CAMK1D: variants seen among roughly 807,000 people sequenced by gnomAD.
CAMK1D encodes the protein calcium/calmodulin dependent protein kinase ID.
A neutral mutation model predicts 47.7 loss-of-function variants in CAMK1D; 9 were observed. That is an observed-to-expected ratio of 0.19 (90% CI 0.11 to 0.33). CAMK1D has a LOEUF of 0.33. Ranked by LOEUF, CAMK1D falls within the 10% of genes least tolerant of loss-of-function variation. The probability of loss-of-function intolerance (pLI) is 1.00; values close to 1 mark genes in which losing one functional copy is unlikely to be tolerated. For synonymous variants in CAMK1D, 184 were observed against 184.9 expected (o/e 0.99, Z 0.04); for missense variants, 291 against 488.7 (o/e 0.60, Z 3.81).
chr10:12,593,975 G>A (rs547405378), intron 2 of CAMK1D, among the ~76,000 whole-genome samples: 1 of 152,278 alleles, frequency 6.6e-6, no homozygotes, highest in Admixed American at 6.5e-5. Flanking sequence ...TCAGGAGTTC[G>A]AGACCAGCCT....
At position 12,792,946 on chromosome 10, in the gene CAMK1D, T is replaced by C. The variant is rs148174732; in HGVS notation, c.641+1713T>C. 3.0e-3 allele frequency among the ~76,000 whole-genome samples: 427 copies of C among 140,774 alleles called. 3 individuals carry two copies. The South Asian group carries it at 0.036, about 12-fold the overall frequency. The allele number at this position is 140,774 out of a possible 152,430, so 92.4% of individuals were successfully genotyped here. A position where few individuals can be genotyped will look rare whatever the true frequency, so the allele number is the denominator to read the frequency against. Reference sequence around the variant, plus strand: ...TCATGGATCCTATCCCCTAATAAAATCACATGTGTGCGCGCACACACACAC... The same window carrying C: ...TCATGGATCCTATCCCCTAATAAAACCACATGTGTGCGCGCACACACACAC... On this transcript the variant is annotated intron_variant, in intron 6 of 10. Transcript: ENST00000619168.
At chr10:12,423,682 A>C (rs957472838) in intron 1 of CAMK1D, among the ~76,000 whole-genome samples, 1 of 152,202 alleles carries the variant, frequency 6.6e-6, no homozygotes, top group Non-Finnish European at 1.5e-5. Context: ...CCTTTTCCCA[A>C]TCAGATTCAA....
intron 1 of CAMK1D, among the ~76,000 whole-genome samples, chr10:12,548,107 A>G (rs1219827057): frequency 2.0e-5 from 3 of 152,082 alleles, no homozygotes; most frequent in African/African-American, 7.2e-5. Flanking sequence ...ACCGAGTTCT[A>G]TTTTCTGTCC....
At chr10:12,570,165 A>G (rs11257895) in intron 2 of CAMK1D, among the ~76,000 whole-genome samples, 1 of 151,700 alleles carries the variant, frequency 6.6e-6, no homozygotes, top group African/African-American at 2.4e-5. Flanking sequence ...GCGCCACTGC[A>G]CTCCAGCCTG....
At chr10:12,562,119 A>G (rs756101686) in intron 2 of CAMK1D, among the ~76,000 whole-genome samples, 1 of 152,226 alleles carries the variant, frequency 6.6e-6, no homozygotes, top group African/African-American at 2.4e-5. Flanking sequence ...CACATTCTGC[A>G]GGCTGGGAAG....
intron 6 of CAMK1D, among the ~76,000 whole-genome samples, chr10:12,795,400 T>C (rs946075988): frequency 2.0e-5 from 3 of 152,090 alleles, no homozygotes; most frequent in Non-Finnish European, 4.4e-5. Flanking sequence ...CCGTGCCTGG[T>C]CTCCCATTCC....
intron 2 of CAMK1D, among the ~76,000 whole-genome samples, chr10:12,661,241 A>G (rs1840266042): frequency 1.3e-5 from 2 of 152,230 alleles, no homozygotes; most frequent in Non-Finnish European, 2.9e-5. Context: ...TGATGGCATT[A>G]ATACTTTGAC....
chr10:12,670,139 T>C (rs986473781), intron 3 of CAMK1D, among the ~76,000 whole-genome samples: 2 of 150,308 alleles, frequency 1.3e-5, no homozygotes, highest in Non-Finnish European at 3.0e-5. Context: ...TTTTTTTTTT[T>C]TTTTTTGGCC....
chr10:12,781,458 C>T (rs917876697), intron 5 of CAMK1D, among the ~76,000 whole-genome samples: 2 of 152,192 alleles, frequency 1.3e-5, no homozygotes. Context: ...CCAGTGGCCC[C>T]AGCTTCTACT....
intron 1 of CAMK1D, among the ~76,000 whole-genome samples, chr10:12,454,616 C>G (rs1002582360): frequency 9.2e-5 from 14 of 152,122 alleles, no homozygotes; most frequent in African/African-American, 3.4e-4. Flanking sequence ...GCGTGCACTG[C>G]CATGCCTGGC....
At chr10:12,819,365 G>C (rs1008873458) in intron 8 of CAMK1D, among the ~76,000 whole-genome samples, 4 of 152,226 alleles carry the variant, frequency 2.6e-5, no homozygotes, top group African/African-American at 9.6e-5. Flanking sequence ...TCCAGAGTAG[G>C]AGAGGACGCA....
At chr10:12,475,114 C>G (rs1355759201) in intron 1 of CAMK1D, among the ~76,000 whole-genome samples, 1 of 152,060 alleles carries the variant, frequency 6.6e-6, no homozygotes, top group East Asian at 1.9e-4. Context: ...GGGTATATAC[C>G]TAGTCATGGA....
At chr10:12,493,260 C>T (rs1268146982) in intron 1 of CAMK1D, among the ~76,000 whole-genome samples, 1 of 152,088 alleles carries the variant, frequency 6.6e-6, no homozygotes, top group African/African-American at 2.4e-5. Flanking sequence ...GGAGCGCAGA[C>T]TGAAGTGTGA....
At chr10:12,707,084 AG>A (rs1833754988) in intron 3 of CAMK1D, among the ~76,000 whole-genome samples, 1 of 152,232 alleles carries the variant, frequency 6.6e-6, no homozygotes, top group South Asian at 2.1e-4. Context: ...GGAGAGAGAT[AG>A]GAGTTACGGA....
Position 12,806,597 on chromosome 10 carries a change from C to T in CAMK1D, c.642-7598C>T, listed in dbSNP as rs72773664. ...GCTCTGCAGCCCAGCAGGGCCTAAC[C>T]GTGTTGAGGCTCCTCCCCTCTTTCA... On this transcript the variant is annotated intron_variant, in intron 6 of 10. Coordinates refer to ENST00000619168, the MANE Select transcript of CAMK1D (RefSeq NM_153498.4). 3.3e-3 allele frequency among the ~76,000 whole-genome samples: 498 copies of T among 152,358 alleles called. 2 individuals carry two copies. The highest frequency in any genetic ancestry group is 5.9e-3 in the Non-Finnish European group (401 of 68,034).
At chr10:12,525,253 CA>C (rs1447333312) in intron 1 of CAMK1D, among the ~76,000 whole-genome samples, 1 of 152,170 alleles carries the variant, frequency 6.6e-6, no homozygotes. Flanking sequence ...CTTCTGTAAT[CA>C]GTACCTAATG....
At position 12,536,250 on chromosome 10, in the gene CAMK1D, T is replaced by C. The variant is rs527902207; in HGVS notation, c.93-16975T>C. On this transcript the variant is annotated intron_variant, in intron 1 of 10. Transcript: ENST00000619168. ...CAGAGTTCTGAAAAAAAAAAAGTTATGGATCTAGCCATACTTCATGTCTTT... is the reference window on the plus strand; with the variant it reads ...CAGAGTTCTGAAAAAAAAAAAGTTACGGATCTAGCCATACTTCATGTCTTT... Among the ~76,000 whole-genome samples, 194 of 152,144 alleles carry C rather than the reference T, an allele frequency of 1.3e-3. 1 individual carries two copies. Among genetic ancestry groups the C allele is most frequent in the Middle Eastern group, 0.01 (3 of 294 alleles).
intron 1 of CAMK1D, among the ~76,000 whole-genome samples, chr10:12,496,257 T>C (rs1243320013): frequency 2.6e-5 from 4 of 152,258 alleles, no homozygotes; most frequent in African/African-American, 9.6e-5. Flanking sequence ...TAAACTTTAA[T>C]GACTATATCA....
intron 8 of CAMK1D, among the ~76,000 whole-genome samples, chr10:12,819,770 G>A (rs1832949921): frequency 6.6e-6 from 1 of 152,118 alleles, no homozygotes. Flanking sequence ...TGGGAGCGTG[G>A]CCAGAGGTGC....
Sources: gnomAD v4.1 joint callset for allele counts (sites outside exome capture counted in the v4.1 genomes callset) on GRCh38, gnomAD v4.1.1 for gene constraint, MANE v1.5 for transcripts, NCBI Gene and HGNC (gene_info 2026-07-23, HGNC 2026-07-21) for gene names.